TOMM34: variants seen among roughly 807,000 people sequenced by gnomAD.
The protein encoded by TOMM34 is translocase of outer mitochondrial membrane 34.
Under a neutral mutation model 37.4 loss-of-function variants are expected in TOMM34, and 24 were observed. The observed-to-expected ratio is 0.64, with a 90% CI of 0.46 to 0.90. The LOEUF is 0.90. Among genes scored for constraint, TOMM34 ranks in the 40% least tolerant of loss-of-function variants. TOMM34 has a pLI of 0.00. For missense variants in TOMM34, 304 were observed against 375.6 expected, an observed-to-expected ratio of 0.81 and a Z score of 1.58; for synonymous variants, 154 against 148.9, an observed-to-expected ratio of 1.03 and a Z score of -0.25.
At chr20:44,952,560 T>A in intron 3 of TOMM34, 1 of 717,030 alleles carries the variant, frequency 1.4e-6, no homozygotes, top group Non-Finnish European at 2.6e-6. Context: ...GCACATGCTT[T>A]TTCCTCTACC....
At chr20:44,944,410 G>C (rs1044695342) in intron 5 of TOMM34, among the ~76,000 whole-genome samples, 1 of 152,194 alleles carries the variant, frequency 6.6e-6, no homozygotes, top group Admixed American at 6.5e-5. Flanking sequence ...AGTGGGTGCA[G>C]GGTATTCACT....
intron 4 of TOMM34, 62 bp from the exon 5 acceptor site, chr20:44,948,939 G>A: frequency 6.3e-7 from 1 of 1,581,048 alleles, no homozygotes; most frequent in Non-Finnish European, 8.6e-7. Flanking sequence ...GATCAGTGAG[G>A]TCTCTTCAGC....
rs756254097 is a variant in TOMM34, at chr20:44,951,861, G to T, written c.522C>A (p.Ser174=). The change falls in exon 4 of 7, where the codon TCC becomes TCA. Residue 174 remains serine, a synonymous_variant. Transcript: ENST00000372813. The part of the protein sequence containing the change: ...ENHKEMAKSK[S]KETTATKNRV... ...TGTTCTTTGTAGCTGTGGTTTCTTT[G>T]GATTTGCTTTTAGCCATCTCTTTGT... 1 of 1,614,008 alleles carries T rather than the reference G, an allele frequency of 6.2e-7. No individual in the cohort carries two copies. Among genetic ancestry groups the T allele is most frequent in the South Asian group, 1.1e-5 (1 of 91,070 alleles).
intron 1 of TOMM34, chr20:44,958,503 T>C (rs1568666248): frequency 2.4e-6 from 1 of 419,026 alleles, no homozygotes; most frequent in Non-Finnish European, 5.0e-6. Flanking sequence ...AGTCACTCCA[T>C]CCCTCTGATC....
intron 3 of TOMM34, among the ~76,000 whole-genome samples, chr20:44,952,413 T>A (rs898027483): frequency 1.3e-5 from 2 of 152,246 alleles, no homozygotes; most frequent in Non-Finnish European, 2.9e-5. Context: ...AAAGCTTATG[T>A]CATTCTCAAA....
At chr20:44,955,044 C>A (rs2067059027) in intron 3 of TOMM34, 24 bp downstream of exon 3, 1 of 1,612,504 alleles carries the variant, frequency 6.2e-7, no homozygotes, top group Non-Finnish European at 8.5e-7. Flanking sequence ...GCCGTGGAGA[C>A]CACCTGCTGG....
At chr20:44,947,355 A>G (rs2066989240) in intron 5 of TOMM34, among the ~76,000 whole-genome samples, 1 of 152,220 alleles carries the variant, frequency 6.6e-6, no homozygotes, top group Admixed American at 6.5e-5. Flanking sequence ...ACATGAAGCT[A>G]TTTAGTTTCT....
chr20:44,960,375 C>G lies in TOMM34; in HGVS notation c.-42G>C. On this transcript the variant is annotated 5_prime_UTR_variant, in exon 1 of 7. Transcript: ENST00000372813. ...CGAGTTGGGAGCTCCTTCCTTCCTCCCCCGTGTGGTGCGGCACACCTTCCG... is the reference window on the plus strand; with the variant it reads ...CGAGTTGGGAGCTCCTTCCTTCCTCGCCCGTGTGGTGCGGCACACCTTCCG... The G allele has an allele frequency of 5.3e-6, 8 of 1,508,362 alleles. No homozygotes were observed. Among genetic ancestry groups the G allele is most frequent in the Non-Finnish European group, 7.1e-6 (8 of 1,123,548 alleles). The allele number at this position is 1,508,362 out of a possible 1,614,324, so 93.4% of individuals were successfully genotyped here.
Position 44,956,456 on chromosome 20 carries a change from G to A in TOMM34, c.157C>T (p.Leu53Phe). The A allele has an allele frequency of 6.2e-7, 1 of 1,614,182 alleles. No individual in the cohort carries two copies. Among genetic ancestry groups the A allele is most frequent in the South Asian group, 1.1e-5 (1 of 91,076 alleles). Residue 53 changes from leucine (L) to phenylalanine (F), a missense_variant, in exon 2 of 7, where the codon CTC (leucine) becomes TTC (phenylalanine). By Grantham distance (22) the Leu-to-Phe change is conservative. Coordinates refer to ENST00000372813, the MANE Select transcript of TOMM34 (RefSeq NM_006809.5). The stretch of plus-strand genomic sequence containing the variant: ...TGACATGCTGCTCGGTTGGAGTAGA[G>A]AACACTTTCTTCTTCTGGGTCTGAA... ...GSSDPEEESVLYSNRAACHLK... is the reference protein window; with the variant it reads ...GSSDPEEESVFYSNRAACHLK...
intron 5 of TOMM34, among the ~76,000 whole-genome samples, chr20:44,947,799 T>C (rs1189463796): frequency 6.6e-6 from 1 of 152,212 alleles, no homozygotes; most frequent in East Asian, 1.9e-4. Flanking sequence ...CCACCGTGGC[T>C]GGAAAACACA....
chr20:44,945,579 GA>G (rs1568658685), intron 5 of TOMM34, among the ~76,000 whole-genome samples: 1 of 152,226 alleles, frequency 6.6e-6, no homozygotes, highest in Non-Finnish European at 1.5e-5. Flanking sequence ...CAGCACACAT[GA>G]AAAGGCTGCT....
rs568714701 is a variant in TOMM34, at chr20:44,960,211, C to A, written c.123G>T (p.Ala41=). The change falls in exon 1 of 7, where the codon GCG becomes GCT. Residue 41 remains alanine (A), a synonymous_variant. Transcript: ENST00000372813. ...AGATGGGGGCCGGGGTCGTACCTTG[C>A]GCCTGCAGCACCCGCAGCGCGCGGC... ...LYGRALRVLQ[A]QGSSDPEEES... The A allele has an allele frequency of 9.6e-6, 15 of 1,558,310 alleles. No individual in the cohort carries two copies. In the Admixed American group the frequency reaches 2.1e-4, roughly 22 times the overall value.
chr20:44,943,555 C>T lies in TOMM34; in HGVS notation c.723G>A (p.Lys241=). The change falls in exon 6 of 7, where the codon AAG becomes AAA. Residue 241 remains lysine (K), a synonymous_variant. Transcript: ENST00000372813. ...AGTCCTTCACTGCTTCTGTGTACTGCTTCAGGACCAAATAGCAGAGTGCTC... is the reference window on the plus strand; with the variant it reads ...AGTCCTTCACTGCTTCTGTGTACTGTTTCAGGACCAAATAGCAGAGTGCTC... ...SNRALCYLVL[K]QYTEAVKDCT... 1 of 1,614,164 alleles carries T rather than the reference C, an allele frequency of 6.2e-7. No homozygotes were observed. The highest frequency in any genetic ancestry group is 1.1e-5 in the South Asian group (1 of 91,076).
At chr20:44,958,521 C>A in intron 1 of TOMM34, 2 of 383,598 alleles carry the variant, frequency 5.2e-6, no homozygotes, top group South Asian at 3.9e-5. Flanking sequence ...ATCATGCGTG[C>A]CCACCTACCA....
At chr20:44,944,948 G>GT (rs1482913254) in intron 5 of TOMM34, among the ~76,000 whole-genome samples, 1 of 152,146 alleles carries the variant, frequency 6.6e-6, no homozygotes, top group African/African-American at 2.4e-5. Flanking sequence ...AACGACTTCT[G>GT]TAACATTTTT....
At chr20:44,943,667 T>C in intron 5 of TOMM34, 88 bp from the exon 6 acceptor site, 1 of 1,578,234 alleles carries the variant, frequency 6.3e-7, no homozygotes, top group Non-Finnish European at 8.6e-7. Flanking sequence ...GATCTCCAAT[T>C]TGCTGAACAC....
chr20:44,947,959 A>ATGGT (rs1457290326), intron 5 of TOMM34, among the ~76,000 whole-genome samples: 1 of 152,196 alleles, frequency 6.6e-6, no homozygotes, highest in East Asian at 1.9e-4. Flanking sequence ...TGGTTTTGAT[A>ATGGT]TGGTCTCTTG....
intron 3 of TOMM34, chr20:44,952,627 C>T (rs188731290): frequency 8.4e-6 from 6 of 717,492 alleles, no homozygotes; most frequent in East Asian, 8.0e-5. Flanking sequence ...CCGGCTAACT[C>T]CAACTTATTC....
At chr20:44,957,358 G>A (rs1028767310) in intron 1 of TOMM34, among the ~76,000 whole-genome samples, 1 of 152,100 alleles carries the variant, frequency 6.6e-6, no homozygotes, top group African/African-American at 2.4e-5. Context: ...ACGCCTGGTA[G>A]AGACAGGGTT....
Sources: allele counts gnomAD v4.1 joint callset (sites outside exome capture counted in the v4.1 genomes callset), GRCh38; gene constraint gnomAD v4.1.1; transcripts MANE v1.5; gene names NCBI Gene and HGNC (gene_info 2026-07-23, HGNC 2026-07-21).